DCLK1: variants seen among roughly 807,000 people sequenced by gnomAD.
The protein encoded by DCLK1 is doublecortin like kinase 1.
Under a neutral mutation model 86.2 loss-of-function variants are expected in DCLK1, and 16 were observed. That is an observed-to-expected ratio of 0.19 (90% confidence interval 0.13 to 0.28). The LOEUF (loss-of-function observed/expected upper bound fraction) is 0.28, where lower values mean the gene tolerates loss of function less well. Ranked by LOEUF, DCLK1 falls within the 10% of genes least tolerant of loss-of-function variation. The probability of loss-of-function intolerance (pLI) is 1.00; values close to 1 mark genes in which losing one functional copy is unlikely to be tolerated. For synonymous variants in DCLK1, 369 were observed against 370.5 expected, an observed-to-expected ratio of 1.00 and a Z score of 0.05; for missense variants, 590 against 940.2, an observed-to-expected ratio of 0.63 and a Z score of 4.87.
intron 3 of DCLK1, among the ~76,000 whole-genome samples, chr13:36,102,878 G>A (rs536331536): frequency 1.2e-4 from 18 of 152,286 alleles, no homozygotes; most frequent in African/African-American, 4.1e-4. Context: ...AGACAAAAGA[G>A]GCTCTACAGA....
chr13:36,036,452 T>C (rs1882500586), intron 3 of DCLK1, among the ~76,000 whole-genome samples: 1 of 152,178 alleles, frequency 6.6e-6, no homozygotes, highest in Non-Finnish European at 1.5e-5. Context: ...CTGTCCTGTG[T>C]CAGTGTGGTA....
chr13:36,054,794 C>A (rs149225640), intron 3 of DCLK1, among the ~76,000 whole-genome samples: 75 of 152,214 alleles, frequency 4.9e-4, no homozygotes, highest in African/African-American at 1.8e-3. Context: ...GAGGTCTTGT[C>A]CACACTAACG....
At chr13:35,957,260 C>A (rs1028476201) in intron 3 of DCLK1, among the ~76,000 whole-genome samples, 8 of 152,086 alleles carry the variant, frequency 5.3e-5, no homozygotes, top group Middle Eastern at 3.2e-3. Flanking sequence ...AGAACCAAAC[C>A]CAACCCATAA....
At chr13:35,914,987 G>A (rs368702095) in intron 4 of DCLK1, among the ~76,000 whole-genome samples, 1 of 152,248 alleles carries the variant, frequency 6.6e-6, no homozygotes, top group Non-Finnish European at 1.5e-5. Context: ...GAGGCAATAA[G>A]GGGCAAATAA....
intron 2 of DCLK1, among the ~76,000 whole-genome samples, chr13:36,122,712 TA>T (rs975041346): frequency 2.6e-5 from 4 of 152,222 alleles, no homozygotes; most frequent in South Asian, 2.1e-4. Context: ...ATGATTTTTT[TA>T]AAAAAACATA....
At chr13:36,102,952 G>T (rs1321994065) in intron 3 of DCLK1, among the ~76,000 whole-genome samples, 1 of 152,206 alleles carries the variant, frequency 6.6e-6, no homozygotes, top group African/African-American at 2.4e-5. Flanking sequence ...CCTGGACAAT[G>T]AAATAACAAA....
At position 35,771,248 on chromosome 13, in the gene DCLK1, T is replaced by C. The variant is rs2086327642; in HGVS notation, c.*3287A>G. On this transcript the variant is annotated 3_prime_UTR_variant, in exon 17 of 17. Coordinates refer to ENST00000360631, the MANE Select transcript of DCLK1 (RefSeq NM_001330071.2). ...ATTTTAGCCTTCATTCATGGATATA[T>C]TGCTTTCTTTCAACAATATCTGATG... 1 of 152,196 alleles carries C rather than the reference T, an allele frequency of 6.6e-6. No individual in the cohort carries two copies. The highest frequency in any genetic ancestry group is 2.4e-5 in the African/African-American group (1 of 41,440). The allele number at this position is 152,196 out of a possible 1,614,324, so 9.4% of individuals were successfully genotyped here.
intron 10 of DCLK1, among the ~76,000 whole-genome samples, chr13:35,824,737 T>C (rs2087480495): frequency 6.6e-6 from 1 of 152,138 alleles, no homozygotes; most frequent in Non-Finnish European, 1.5e-5. Context: ...GAAATCACCA[T>C]TCTTTTCCCA....
rs536612643 is a variant in DCLK1, at chr13:35,887,365, G to A, written c.824-16025C>T. Reference sequence around the variant, plus strand: ...GCTCCAGTGGGTCTTTAAGTACAAGGTGGAACCCCTTAAAGCCGTTCACAA... The same window carrying A: ...GCTCCAGTGGGTCTTTAAGTACAAGATGGAACCCCTTAAAGCCGTTCACAA... On this transcript the variant is annotated intron_variant, in intron 4 of 16. Coordinates refer to ENST00000360631, the MANE Select transcript of DCLK1 (RefSeq NM_001330071.2). Among the ~76,000 whole-genome samples, 4 of 152,296 alleles carry A rather than the reference G, an allele frequency of 2.6e-5. No homozygotes were observed. In the East Asian group the frequency reaches 7.7e-4, roughly 29 times the overall value.
chr13:35,836,858 A>G (rs1455407013), intron 7 of DCLK1, among the ~76,000 whole-genome samples: 2 of 152,206 alleles, frequency 1.3e-5, no homozygotes, highest in African/African-American at 4.8e-5. Context: ...ATGCCTAATA[A>G]TGCTTTAAAT....
chr13:35,796,385 A>G (rs188532826), intron 15 of DCLK1, among the ~76,000 whole-genome samples: 14 of 152,322 alleles, frequency 9.2e-5, no homozygotes, highest in Admixed American at 3.3e-4. Context: ...GTTGAAAGAT[A>G]CGAGAAAGGG....
chr13:35,851,581 T>C lies in DCLK1; in HGVS notation c.1035+2918A>G, dbSNP rs117380502. Among the ~76,000 whole-genome samples the C allele has an allele frequency of 2.2e-4, 34 of 152,250 alleles. No individual in the cohort carries two copies. In the East Asian group the frequency reaches 6.2e-3, roughly 28 times the overall value. ...CATTCAGCCTACATAACACAACACATTTCTTCCTGATGGATTAAGAAATGG... is the reference window on the plus strand; with the variant it reads ...CATTCAGCCTACATAACACAACACACTTCTTCCTGATGGATTAAGAAATGG... On this transcript the variant is annotated intron_variant, in intron 6 of 16. Coordinates refer to ENST00000360631, the MANE Select transcript of DCLK1 (RefSeq NM_001330071.2).
chr13:35,923,016 T>C (rs1875885939), intron 4 of DCLK1, among the ~76,000 whole-genome samples: 1 of 152,212 alleles, frequency 6.6e-6, no homozygotes, highest in Non-Finnish European at 1.5e-5. Context: ...CCTTTCCTTG[T>C]TCCTGAAAGT....
At position 36,008,200 on chromosome 13, in the gene DCLK1, TTTA is replaced by T. The variant is rs1183033350; in HGVS notation, c.724-60746_724-60744del. Among the ~76,000 whole-genome samples, 118 of 13,852 alleles carry T rather than the reference TTTA, an allele frequency of 8.5e-3. 1 individual carries two copies. Among genetic ancestry groups the T allele is most frequent in the Non-Finnish European group, 0.013 (89 of 7,004 alleles). The allele number at this position is 13,852 out of a possible 152,430, so 9.1% of individuals were successfully genotyped here. A position where few individuals can be genotyped will look rare whatever the true frequency, so the allele number is the denominator to read the frequency against. ...TTTTTTTCAGAGTCCACAGAGCTAT[TTTA>T]TTATTATTATTATTATTATTATTAT... On this transcript the variant is annotated intron_variant, in intron 3 of 16. Transcript: ENST00000360631.
At chr13:35,961,175 A>T (rs1402355658) in intron 3 of DCLK1, among the ~76,000 whole-genome samples, 3 of 152,208 alleles carry the variant, frequency 2.0e-5, no homozygotes, top group Non-Finnish European at 4.4e-5. Context: ...TCACAGAGAG[A>T]AGGAGGATAA....
chr13:35,828,692 AT>A (rs1306370556), intron 8 of DCLK1, among the ~76,000 whole-genome samples: 1 of 147,258 alleles, frequency 6.8e-6, no homozygotes, highest in Non-Finnish European at 1.5e-5. Flanking sequence ...AAACACTAGC[AT>A]TGCTAGTGTG....
intron 3 of DCLK1, among the ~76,000 whole-genome samples, chr13:36,052,591 G>C (rs531929075): frequency 2.6e-5 from 4 of 152,160 alleles, no homozygotes; most frequent in African/African-American, 9.6e-5. Context: ...TGCTCATAAG[G>C]GGTTACATAG....
intron 4 of DCLK1, among the ~76,000 whole-genome samples, chr13:35,873,098 G>C (rs1234936059): frequency 7.9e-5 from 12 of 151,550 alleles, no homozygotes; most frequent in African/African-American, 2.9e-4. Flanking sequence ...AAATTTTAGA[G>C]ACAAGCCGGG....
intron 13 of DCLK1, 60 bp downstream of exon 13, chr13:35,808,958 G>A: frequency 2.0e-6 from 3 of 1,468,048 alleles, no homozygotes; most frequent in East Asian, 2.3e-5. Context: ...AGGGCTAATG[G>A]ATCACTCAGA....
Sources: gnomAD v4.1 joint callset for allele counts (sites outside exome capture counted in the v4.1 genomes callset) on GRCh38, gnomAD v4.1.1 for gene constraint, MANE v1.5 for transcripts, NCBI Gene and HGNC (gene_info 2026-07-23, HGNC 2026-07-21) for gene names.